Variants in TARS1 observed in about 807,000 individuals in gnomAD.
TARS1 encodes threonine--tRNA ligase 1, cytoplasmic.
A neutral mutation model predicts 97.7 loss-of-function variants in TARS1; 57 were observed. That is an observed-to-expected ratio of 0.58 (90% confidence interval 0.47 to 0.73). The LOEUF (loss-of-function observed/expected upper bound fraction) is 0.73, where lower values mean the gene tolerates loss of function less well. Ranked by LOEUF, TARS1 falls within the 30% of genes least tolerant of loss-of-function variation. TARS1 has a pLI of 0.00. For missense variants in TARS1, 806 were observed against 888.3 expected, an observed-to-expected ratio of 0.91 and a Z score of 1.18; for synonymous variants, 312 against 293.7, an observed-to-expected ratio of 1.06 and a Z score of -0.64.
chr5:33,455,620 G>A lies in TARS1; in HGVS notation c.609G>A (p.Glu203=). Residue 203 remains glutamate (E), a synonymous_variant, in exon 6 of 19, where the codon GAG becomes GAA. Coordinates refer to ENST00000265112, the MANE Select transcript of TARS1 (RefSeq NM_152295.5). ...CTAGCAATGATTTCTCTTCTCTGGAGGCTTTGTGTAAGAAAATCATTAAAG... is the reference window on the plus strand; with the variant it reads ...CTAGCAATGATTTCTCTTCTCTGGAAGCTTTGTGTAAGAAAATCATTAAAG... ...GVSSNDFSSL[E]ALCKKIIKEK... 6.2e-7 allele frequency: 1 copy of A among 1,612,778 alleles called. No individual in the cohort carries two copies. The highest frequency in any genetic ancestry group is 1.7e-5 in the Admixed American group (1 of 59,980).
At chr5:33,464,177 G>A (rs984221313) in intron 17 of TARS1, among the ~76,000 whole-genome samples, 1 of 152,018 alleles carries the variant, frequency 6.6e-6, no homozygotes, top group East Asian at 1.9e-4. Flanking sequence ...TTGGCCTCCC[G>A]AGTAGCAGTG....
chr5:33,456,759 G>A (rs1238356095), intron 8 of TARS1, among the ~76,000 whole-genome samples: 1 of 152,152 alleles, frequency 6.6e-6, no homozygotes, highest in Non-Finnish European at 1.5e-5. Flanking sequence ...TGAGTATTGA[G>A]GGGTGGGCAG....
chr5:33,464,584 C>T (rs1328114402), intron 17 of TARS1, among the ~76,000 whole-genome samples: 1 of 152,062 alleles, frequency 6.6e-6, no homozygotes, highest in African/African-American at 2.4e-5. Context: ...GTCTTCAGAC[C>T]ATCAGAATAA....
intron 10 of TARS1, among the ~76,000 whole-genome samples, chr5:33,459,290 C>G (rs1293839325): frequency 2.0e-5 from 3 of 152,036 alleles, no homozygotes; most frequent in Non-Finnish European, 4.4e-5. Context: ...TATTTGTACC[C>G]TTAAATTATT....
At chr5:33,452,744 G>A (rs1741805062) in intron 3 of TARS1, among the ~76,000 whole-genome samples, 1 of 151,368 alleles carries the variant, frequency 6.6e-6, no homozygotes, top group Admixed American at 6.6e-5. Context: ...TAAGCAGGAA[G>A]AGGAACAGAG....
rs948626310 is a variant in TARS1 at position 33,456,352 on chromosome 5, C to G, written c.837+125C>G. 1.2e-5 allele frequency: 9 copies of G among 768,558 alleles called. No individual in the cohort carries two copies. The African/African-American group carries it at 1.6e-4, about 14-fold the overall frequency. The allele number at this position is 768,558 out of a possible 1,614,324, so 47.6% of individuals were successfully genotyped here. ...AAAGGATGGTATTTTCTCATGCTCTCTATTAACTGGGAGCTGTATGCCATC... is the reference window on the plus strand; with the variant it reads ...AAAGGATGGTATTTTCTCATGCTCTGTATTAACTGGGAGCTGTATGCCATC... On this transcript the variant is annotated intron_variant, in intron 8 of 18. Coordinates refer to ENST00000265112, the MANE Select transcript of TARS1 (RefSeq NM_152295.5).
At chr5:33,441,400 C>T (rs1014403700) in intron 1 of TARS1, 13 of 504,442 alleles carry the variant, frequency 2.6e-5, no homozygotes, top group Middle Eastern at 1.1e-3. Flanking sequence ...GAGTGAGCGA[C>T]TTGTTCAGAG....
chr5:33,461,781 A>G (rs760113951), intron 14 of TARS1, 37 bp downstream of exon 14: 35 of 1,604,156 alleles, frequency 2.2e-5, no homozygotes, highest in Non-Finnish European at 2.9e-5. Flanking sequence ...TATGATTTTC[A>G]CTTGTGGATG....
At chr5:33,452,371 ACTTGCATCTCTG>A in intron 3 of TARS1, 1 of 1,535,110 alleles carries the variant, frequency 6.5e-7, no homozygotes. Flanking sequence ...ACCTCTCTTC[ACTTGCATCTCTG>A]CTTGCATCTG....
At chr5:33,456,107 G>T (rs1390857971) in intron 7 of TARS1, 41 bp downstream of exon 7, 1 of 1,612,476 alleles carries the variant, frequency 6.2e-7, no homozygotes, top group Non-Finnish European at 8.5e-7. Flanking sequence ...TGGTATGTAT[G>T]TCATTTTGTC....
intron 4 of TARS1, among the ~76,000 whole-genome samples, chr5:33,453,837 A>C (rs1453350277): frequency 6.6e-6 from 1 of 151,862 alleles, no homozygotes; most frequent in Non-Finnish European, 1.5e-5. Context: ...CTCCTGCCTC[A>C]GCCTCCCAAG....
chr5:33,452,769 GC>G (rs34580645), intron 3 of TARS1, among the ~76,000 whole-genome samples: 29,250 of 150,772 alleles, frequency 0.19, 3,388 homozygotes, highest in African/African-American at 0.33. Context: ...TATTTAGTAG[GC>G]CTTTTTTTTT....
chr5:33,444,477 C>T (rs978548051), intron 1 of TARS1, among the ~76,000 whole-genome samples: 3 of 152,234 alleles, frequency 2.0e-5, no homozygotes. Context: ...TCCCTGTTTA[C>T]ATTCCTGGCA....
At chr5:33,463,915 C>A in intron 17 of TARS1, 90 bp downstream of exon 17, 1 of 1,125,906 alleles carries the variant, frequency 8.9e-7, no homozygotes, top group Non-Finnish European at 1.3e-6. Context: ...GTGAATCGAG[C>A]TGTTGTGATA....
chr5:33,449,169 C>T (rs1343237348), intron 3 of TARS1, among the ~76,000 whole-genome samples: 1 of 151,930 alleles, frequency 6.6e-6, no homozygotes, highest in African/African-American at 2.4e-5. Context: ...AGTCTTAAAA[C>T]TTTTATTGGG....
intron 17 of TARS1, among the ~76,000 whole-genome samples, chr5:33,464,125 C>A (rs184939353): frequency 6.6e-6 from 1 of 152,172 alleles, no homozygotes; most frequent in Non-Finnish European, 1.5e-5. Context: ...AGTCATGGCT[C>A]ACTGTAACCT....
intron 10 of TARS1, 42 bp downstream of exon 10, chr5:33,458,706 G>A (rs772018145): frequency 3.4e-6 from 5 of 1,468,376 alleles, no homozygotes; most frequent in South Asian, 1.2e-5. Context: ...TTTAGGATAT[G>A]TGATCATTTT....
intron 5 of TARS1, 98 bp downstream of exon 5, chr5:33,455,164 C>A: frequency 1.4e-6 from 2 of 1,441,342 alleles, no homozygotes; most frequent in South Asian, 1.3e-5. Flanking sequence ...ATATAGATCT[C>A]ACTGCTTCTT....
intron 17 of TARS1, chr5:33,465,943 C>T (rs1742509981): frequency 6.6e-6 from 1 of 152,160 alleles, no homozygotes; most frequent in African/African-American, 2.4e-5. Flanking sequence ...TTCAGCTGTA[C>T]TTAAGATGTT....
Sources: allele counts gnomAD v4.1 joint callset (sites outside exome capture counted in the v4.1 genomes callset), GRCh38; gene constraint gnomAD v4.1.1; transcripts MANE v1.5; gene names NCBI Gene and HGNC (gene_info 2026-07-23, HGNC 2026-07-21).